KIAA0586: variants seen among roughly 807,000 people sequenced by gnomAD.
KIAA0586 encodes protein TALPID3.
KIAA0586 carries 144 observed loss-of-function variants against 169.8 expected under a neutral mutation model. That is an observed-to-expected ratio of 0.85 (90% CI 0.74 to 0.97). The LOEUF is 0.97. Ranked by LOEUF, KIAA0586 falls within the 50% of genes least tolerant of loss-of-function variation. The probability of loss-of-function intolerance (pLI) is 0.00; values close to 1 mark genes in which losing one functional copy is unlikely to be tolerated. For missense variants in KIAA0586, 1,854 were observed against 1,823.0 expected, an observed-to-expected ratio of 1.02 and a Z score of -0.31; for synonymous variants, 625 against 612.4, an observed-to-expected ratio of 1.02 and a Z score of -0.30.
chr14:58,466,052 G>C, intron 15 of KIAA0586, 23 bp downstream of exon 15: 3 of 1,479,216 alleles, frequency 2.0e-6, no homozygotes, highest in African/African-American at 1.4e-5. Context: ...AAAATATGTG[G>C]GATGGATTTT....
chr14:58,542,445 C>G (rs915962383), intron 30 of KIAA0586, among the ~76,000 whole-genome samples: 4 of 151,822 alleles, frequency 2.6e-5, no homozygotes, highest in African/African-American at 9.7e-5. Context: ...CCATTGCACT[C>G]CAGCCTGGGT....
At chr14:58,436,011 A>G (rs1415212171) in intron 4 of KIAA0586, among the ~76,000 whole-genome samples, 4 of 152,256 alleles carry the variant, frequency 2.6e-5, no homozygotes, top group East Asian at 1.9e-4. Flanking sequence ...GCCCAGCCAG[A>G]ATGATACATT....
chr14:58,473,060 G>A (rs957907643), intron 18 of KIAA0586, among the ~76,000 whole-genome samples: 8 of 150,724 alleles, frequency 5.3e-5, no homozygotes, highest in Admixed American at 1.3e-4. Flanking sequence ...ATATACAAGC[G>A]AAAGAAATGG....
intron 20 of KIAA0586, among the ~76,000 whole-genome samples, chr14:58,479,236 T>A (rs1343601401): frequency 6.6e-6 from 1 of 152,216 alleles, no homozygotes; most frequent in Non-Finnish European, 1.5e-5. Context: ...TGTGGAGGTA[T>A]TTCCCTAACT....
At chr14:58,462,465 C>G (rs1003171673) in intron 14 of KIAA0586, among the ~76,000 whole-genome samples, 5 of 151,944 alleles carry the variant, frequency 3.3e-5, no homozygotes, top group African/African-American at 4.8e-5. Context: ...ATTGGCCAGG[C>G]TCGTCTTGAA....
chr14:58,487,957 G>A lies in KIAA0586; in HGVS notation c.3375G>A (p.Ala1125=), dbSNP rs765655962. The stretch of plus-strand genomic sequence containing the variant: ...CCCCTACTACTACACCTCCTCCAGC[G>A]GCGGCAGTTTTTACCCCAACTTTGT... ...TVTPTTTPPP[A]AAVFTPTLSD... is the part of the protein sequence containing the mutation. Residue 1125 remains alanine (A), a synonymous_variant, in exon 23 of 31, where the codon GCG becomes GCA. Coordinates refer to ENST00000652326, the MANE Select transcript of KIAA0586 (RefSeq NM_001329943.3). The A allele has an allele frequency of 3.1e-6, 5 of 1,613,436 alleles. No homozygotes were observed. The highest frequency in any genetic ancestry group is 2.7e-5 in the African/African-American group (2 of 74,830).
intron 29 of KIAA0586, among the ~76,000 whole-genome samples, 185 bp downstream of exon 29, chr14:58,512,812 A>G (rs1012031387): frequency 6.6e-6 from 1 of 151,964 alleles, no homozygotes; most frequent in Admixed American, 6.6e-5. Flanking sequence ...AGTTCTTTTT[A>G]CCAGTAAACA....
rs182013093 is a variant in KIAA0586 at position 58,481,525 on chromosome 14, A to G, written c.2945-988A>G. On this transcript the variant is annotated intron_variant, in intron 20 of 30. Transcript: ENST00000652326. Reference sequence around the variant, plus strand: ...TTAGTGCATTCTTTTGTTGTAGTCAAGATCTATCACAGAGTTTCCTGTTGT... The same window carrying G: ...TTAGTGCATTCTTTTGTTGTAGTCAGGATCTATCACAGAGTTTCCTGTTGT... Among the ~76,000 whole-genome samples, 6 of 152,268 alleles carry G rather than the reference A, an allele frequency of 3.9e-5. No individual in the cohort carries two copies. The East Asian group carries it at 1.2e-3, about 29-fold the overall frequency.
intron 29 of KIAA0586, among the ~76,000 whole-genome samples, chr14:58,531,339 A>T (rs896890758): frequency 6.9e-6 from 1 of 145,088 alleles, no homozygotes. Flanking sequence ...AAAAAAAAAA[A>T]AATAAAATAA....
intron 30 of KIAA0586, among the ~76,000 whole-genome samples, chr14:58,546,430 A>G (rs2046988007): frequency 6.6e-6 from 1 of 152,250 alleles, no homozygotes; most frequent in East Asian, 1.9e-4. Context: ...ATTTAATGAA[A>G]AATTCTATGT....
At chr14:58,460,402 T>C (rs767830998) in intron 13 of KIAA0586, among the ~76,000 whole-genome samples, 3 of 152,082 alleles carry the variant, frequency 2.0e-5, no homozygotes, top group Non-Finnish European at 2.9e-5. Context: ...TGCGTGTGTG[T>C]ATATAGTTTA....
chr14:58,507,213 A>ATATATATAAATCATCTACATGTATGATT (rs1443489258), intron 27 of KIAA0586, among the ~76,000 whole-genome samples: 73 of 139,790 alleles, frequency 5.2e-4, no homozygotes, highest in African/African-American at 2.0e-3. Flanking sequence ...TGTATGATTT[A>ATATATATAAATCATCTACATGTATGATT]TATATATAAA....
chr14:58,547,733 A>G (rs779284017), intron 30 of KIAA0586, 48 bp from the exon 31 acceptor site: 1 of 1,559,564 alleles, frequency 6.4e-7, no homozygotes, highest in Non-Finnish European at 8.8e-7. Context: ...AAGCACGTAA[A>G]TACTCAGGTT....
chr14:58,448,266 T>C, intron 6 of KIAA0586, 74 bp from the exon 7 acceptor site: 1 of 943,488 alleles, frequency 1.1e-6, no homozygotes, highest in Non-Finnish European at 1.6e-6. Context: ...ACTCCTCTAA[T>C]ATTTCAATGT....
downstream of KIAA0586, among the ~76,000 whole-genome samples, chr14:58,551,696 G>A (rs1383868652): frequency 1.3e-5 from 2 of 152,088 alleles, no homozygotes; most frequent in Admixed American, 6.5e-5. Flanking sequence ...AACCCAGGAG[G>A]CGGAGGTTGC....
At chr14:58,482,353 G>A (rs953891510) in intron 20 of KIAA0586, among the ~76,000 whole-genome samples, 160 bp from the exon 21 acceptor site, 1 of 152,034 alleles carries the variant, frequency 6.6e-6, no homozygotes, top group African/African-American at 2.4e-5. Flanking sequence ...TTGAATCTGG[G>A]AGGTGGCAGT....
intron 19 of KIAA0586, 54 bp from the exon 20 acceptor site, chr14:58,477,069 C>A: frequency 2.1e-6 from 2 of 966,122 alleles, no homozygotes; most frequent in East Asian, 2.6e-5. Context: ...ACATTTTTTA[C>A]ATTTCAATCA....
chr14:58,454,842 T>C (rs2039688605), intron 9 of KIAA0586, among the ~76,000 whole-genome samples: 1 of 152,170 alleles, frequency 6.6e-6, no homozygotes, highest in South Asian at 2.1e-4. Flanking sequence ...CCTCCTTCAC[T>C]TTTGAACAAT....
chr14:58,467,438 T>C (rs1202828739), intron 15 of KIAA0586, among the ~76,000 whole-genome samples: 1 of 152,202 alleles, frequency 6.6e-6, no homozygotes, highest in Non-Finnish European at 1.5e-5. Context: ...CAAGTGGGAC[T>C]TTGGAAGTGA....
Sources: allele counts gnomAD v4.1 joint callset (sites outside exome capture counted in the v4.1 genomes callset), GRCh38; gene constraint gnomAD v4.1.1; transcripts MANE v1.5; gene names NCBI Gene and HGNC (gene_info 2026-07-23, HGNC 2026-07-21).